The following SGCG variants were observed in gnomAD, a reference collection of about 807,000 sequenced individuals.
SGCG encodes sarcoglycan gamma.
SGCG carries 26 observed loss-of-function variants against 29.3 expected under a neutral mutation model. That is an observed-to-expected ratio of 0.89 (90% CI 0.65 to 1.23). The LOEUF is 1.23. Among genes scored for constraint, SGCG ranks in the 50% most tolerant of loss-of-function variants. The pLI is 0.00. For synonymous variants in SGCG, 145 were observed against 129.7 expected (o/e 1.12, Z -0.80); for missense variants, 353 against 356.0 (o/e 0.99, Z 0.07).
chr13:23,189,876 C>T lies in SGCG; in HGVS notation c.-1+8801C>T, dbSNP rs564845557. On this transcript the variant is annotated intron_variant, in intron 1 of 7. Transcript: ENST00000218867. ...ACTCCCCTACCCTACTCCTTCACCCCCCTGCCCGCTCCTTCAGGCTCAGAG... is the reference window on the plus strand; with the variant it reads ...ACTCCCCTACCCTACTCCTTCACCCTCCTGCCCGCTCCTTCAGGCTCAGAG... Among the ~76,000 whole-genome samples the T allele has an allele frequency of 1.8e-3, 268 of 152,244 alleles. 2 individuals are homozygous for T. The highest frequency in any genetic ancestry group is 6.1e-3 in the African/African-American group (253 of 41,530).
chr13:23,200,116 C>T (rs1026601775), intron 1 of SGCG, among the ~76,000 whole-genome samples: 10 of 100,296 alleles, frequency 1.0e-4, no homozygotes, highest in East Asian at 3.7e-4. Context: ...GCTTGTTGTA[C>T]GCTTAAATAA....
At chr13:23,230,728 A>G (rs540174527) in intron 2 of SGCG, among the ~76,000 whole-genome samples, 2 of 152,206 alleles carry the variant, frequency 1.3e-5, no homozygotes, top group South Asian at 4.1e-4. Flanking sequence ...TGTCATCTGC[A>G]TACAGGATTA....
At chr13:23,184,622 A>G (rs903764235) in intron 1 of SGCG, among the ~76,000 whole-genome samples, 2 of 152,222 alleles carry the variant, frequency 1.3e-5, no homozygotes, top group East Asian at 3.9e-4. Context: ...TCCCCTTCAC[A>G]GGGCTAGTAC....
chr13:23,278,588 G>A lies in SGCG; in HGVS notation c.386-771G>A, dbSNP rs181468076. ...AGTGTGGAAGCATCAAAGAGGAATT[G>A]GGGAACACATAATTATGAGTGCCTG... On this transcript the variant is annotated intron_variant, in intron 4 of 7. Transcript: ENST00000218867. Among the ~76,000 whole-genome samples the A allele has an allele frequency of 2.6e-5, 4 of 152,280 alleles. No individual in the cohort carries two copies. The East Asian group carries it at 5.8e-4, about 22-fold the overall frequency.
At chr13:23,291,362 A>G (rs1270049069) in intron 5 of SGCG, among the ~76,000 whole-genome samples, 1 of 152,212 alleles carries the variant, frequency 6.6e-6, no homozygotes, top group Non-Finnish European at 1.5e-5. Flanking sequence ...GAGGTATTAT[A>G]CCAATTATAT....
chr13:23,230,605 G>T (rs749399773), intron 2 of SGCG, among the ~76,000 whole-genome samples: 12 of 152,058 alleles, frequency 7.9e-5, no homozygotes, highest in Non-Finnish European at 1.8e-4. Context: ...TAATGTATAG[G>T]GATGCTACTG....
intron 3 of SGCG, among the ~76,000 whole-genome samples, chr13:23,248,244 A>C (rs1278593335): frequency 2.0e-5 from 3 of 151,938 alleles, no homozygotes; most frequent in Admixed American, 6.6e-5. Context: ...AAACCAACCT[A>C]CTCCTCTCTC....
chr13:23,213,355 G>A (rs1220461514), intron 2 of SGCG, among the ~76,000 whole-genome samples: 1 of 152,120 alleles, frequency 6.6e-6, no homozygotes, highest in East Asian at 1.9e-4. Flanking sequence ...GGTGGCACGT[G>A]CCTGTGATCT....
At chr13:23,234,785 C>A in intron 3 of SGCG, 73 bp downstream of exon 3, 2 of 1,023,770 alleles carry the variant, frequency 2.0e-6, no homozygotes, top group Non-Finnish European at 3.1e-6. Context: ...AAATTCAGTA[C>A]AGTTTAGAGA....
At chr13:23,287,597 A>G (rs1881541277) in intron 5 of SGCG, among the ~76,000 whole-genome samples, 1 of 152,230 alleles carries the variant, frequency 6.6e-6, no homozygotes, top group African/African-American at 2.4e-5. Flanking sequence ...TAAGTTTGCC[A>G]TAATTCCTAA....
intron 6 of SGCG, among the ~76,000 whole-genome samples, chr13:23,318,661 ATGTATACTT>A (rs1227558599): frequency 1.3e-5 from 2 of 152,212 alleles, no homozygotes; most frequent in Non-Finnish European, 2.9e-5. Context: ...GTTAATGGAA[ATGTATACTT>A]CAGAGCAATC....
At chr13:23,206,214 G>T (rs1367438740) in intron 2 of SGCG, among the ~76,000 whole-genome samples, 1 of 152,036 alleles carries the variant, frequency 6.6e-6, no homozygotes, top group African/African-American at 2.4e-5. Context: ...GATTTTAATT[G>T]TACAATACGA....
chr13:23,312,302 C>T (rs1167539169), intron 6 of SGCG, among the ~76,000 whole-genome samples: 1 of 152,164 alleles, frequency 6.6e-6, no homozygotes, highest in Non-Finnish European at 1.5e-5. Flanking sequence ...TGCTCAATGC[C>T]AGCTTCAAAA....
At chr13:23,215,611 C>T (rs965679241) in intron 2 of SGCG, among the ~76,000 whole-genome samples, 7 of 151,950 alleles carry the variant, frequency 4.6e-5, no homozygotes, top group East Asian at 1.9e-4. Context: ...AATCCTTTGG[C>T]GAAAGTTATT....
chr13:23,192,035 C>T (rs1261202435), intron 1 of SGCG, among the ~76,000 whole-genome samples: 10 of 151,670 alleles, frequency 6.6e-5, no homozygotes, highest in Admixed American at 6.6e-4. Flanking sequence ...ATAAGCCGGG[C>T]GTGGTGGCGG....
intron 6 of SGCG, among the ~76,000 whole-genome samples, chr13:23,301,969 G>A (rs1406153039): frequency 6.6e-6 from 1 of 151,996 alleles, no homozygotes; most frequent in Non-Finnish European, 1.5e-5. Flanking sequence ...AGTCAGTTTA[G>A]CAATGATGAC....
intron 2 of SGCG, among the ~76,000 whole-genome samples, chr13:23,226,747 T>C (rs1305732432): frequency 1.3e-5 from 2 of 152,248 alleles, no homozygotes; most frequent in East Asian, 3.9e-4. Context: ...TACCAGGGGC[T>C]GGGGGCAGGA....
At chr13:23,221,384 CTATT>C (rs1456858479) in intron 2 of SGCG, among the ~76,000 whole-genome samples, 5 of 152,134 alleles carry the variant, frequency 3.3e-5, no homozygotes, top group Non-Finnish European at 5.9e-5. Flanking sequence ...TTACTATACA[CTATT>C]TATCATCTTA....
At chr13:23,167,454 C>G in the SGCG span, among the ~76,000 whole-genome samples, 6 of 152,154 alleles carry the variant, frequency 3.9e-5, no homozygotes, top group African/African-American at 1.4e-4. Flanking sequence ...CATAGTAGCT[C>G]TATTTTTAGT....
Sources: gnomAD v4.1 joint callset for allele counts (sites outside exome capture counted in the v4.1 genomes callset) on GRCh38, gnomAD v4.1.1 for gene constraint, MANE v1.5 for transcripts, NCBI Gene and HGNC (gene_info 2026-07-23, HGNC 2026-07-21) for gene names.